The following CSMD1 variants were observed in gnomAD, a reference collection of about 807,000 sequenced individuals.
The protein encoded by CSMD1 is CUB and sushi domain-containing protein 1.
Under a neutral mutation model 417.5 loss-of-function variants are expected in CSMD1, and 213 were observed. The ratio of observed to expected loss-of-function variants is 0.51; its 90% CI spans 0.46 to 0.57. The LOEUF is 0.57. Ranked by LOEUF, CSMD1 falls within the 20% of genes least tolerant of loss-of-function variation. CSMD1 has a pLI of 0.00. For missense variants in CSMD1, 6,923 were observed against 4,529.7 expected (o/e 1.53, Z -15.17); for synonymous variants, 2,862 against 1,736.8 (o/e 1.65, Z -16.11).
intron 4 of CSMD1, among the ~76,000 whole-genome samples, chr8:4,027,100 C>T (rs979244280): frequency 2.0e-5 from 3 of 152,176 alleles, no homozygotes; most frequent in African/African-American, 4.8e-5. Flanking sequence ...CAGAAAAACA[C>T]AGCTTTGTGG....
intron 12 of CSMD1, among the ~76,000 whole-genome samples, chr8:3,453,254 CA>C (rs535401338): frequency 0.013 from 1,911 of 151,988 alleles, 20 homozygotes; most frequent in Non-Finnish European, 0.02. Flanking sequence ...TTGATCTTTT[CA>C]AAAAACCAGC....
chr8:4,377,780 C>T (rs1454413623), intron 3 of CSMD1, among the ~76,000 whole-genome samples: 1 of 152,152 alleles, frequency 6.6e-6, no homozygotes, highest in Non-Finnish European at 1.5e-5. Flanking sequence ...ATTTTTGGCA[C>T]CTTTAAATAT....
intron 12 of CSMD1, among the ~76,000 whole-genome samples, chr8:3,441,935 T>A (rs1382090537): frequency 1.3e-5 from 2 of 152,188 alleles, no homozygotes; most frequent in African/African-American, 4.8e-5. Flanking sequence ...GAGAGCTTCA[T>A]TCATGTGTGG....
chr8:4,884,353 T>A (rs1803591939), intron 1 of CSMD1, among the ~76,000 whole-genome samples: 1 of 152,004 alleles, frequency 6.6e-6, no homozygotes, highest in African/African-American at 2.4e-5. Flanking sequence ...ATGATTTCCT[T>A]TGAGGTACAA....
intron 2 of CSMD1, among the ~76,000 whole-genome samples, chr8:4,576,974 G>A (rs1585275015): frequency 6.6e-6 from 1 of 152,078 alleles, no homozygotes; most frequent in Non-Finnish European, 1.5e-5. Flanking sequence ...TTTCTAATTC[G>A]ATGAACACAG....
intron 3 of CSMD1, among the ~76,000 whole-genome samples, chr8:4,189,451 T>C (rs757992038): frequency 8.5e-4 from 129 of 152,340 alleles, no homozygotes; most frequent in Admixed American, 9.1e-4. Flanking sequence ...CAGCAAAGTA[T>C]GTTTGCAGAA....
chr8:4,483,318 A>G (rs1372617106), intron 2 of CSMD1, among the ~76,000 whole-genome samples: 1 of 152,206 alleles, frequency 6.6e-6, no homozygotes, highest in Non-Finnish European at 1.5e-5. Flanking sequence ...AGTCTCGGAT[A>G]TGTGTTTATC....
intron 23 of CSMD1, among the ~76,000 whole-genome samples, chr8:3,310,126 G>A (rs907146446): frequency 3.9e-5 from 6 of 152,134 alleles, no homozygotes; most frequent in East Asian, 1.9e-4. Context: ...TTAGGGGGAT[G>A]GTTTCAATCA....
At chr8:3,419,900 G>T (rs760550039) in intron 12 of CSMD1, among the ~76,000 whole-genome samples, 7 of 152,148 alleles carry the variant, frequency 4.6e-5, no homozygotes, top group Non-Finnish European at 1.0e-4. Flanking sequence ...TCCTGTTTTA[G>T]ATGGAATCTC....
chr8:3,427,847 G>A (rs2406299), intron 12 of CSMD1, among the ~76,000 whole-genome samples: 3 of 152,212 alleles, frequency 2.0e-5, no homozygotes, highest in African/African-American at 4.8e-5. Flanking sequence ...GGAGGCGTAT[G>A]CCTGTCAAAT....
chr8:4,896,725 T>C (rs1420605798), intron 1 of CSMD1, among the ~76,000 whole-genome samples: 1 of 151,932 alleles, frequency 6.6e-6, no homozygotes, highest in South Asian at 2.1e-4. Flanking sequence ...GTGATGATGG[T>C]GAGGAGTCCT....
At chr8:3,238,378 G>T (rs59688229) in intron 26 of CSMD1, among the ~76,000 whole-genome samples, 10,140 of 152,070 alleles carry the variant, frequency 0.067, 412 homozygotes, top group East Asian at 0.19. Flanking sequence ...GGGATATGAT[G>T]GCTTAGTTTG....
intron 27 of CSMD1, among the ~76,000 whole-genome samples, chr8:3,225,967 T>G (rs111319262): frequency 2.3e-3 from 347 of 152,302 alleles, no homozygotes; most frequent in African/African-American, 7.9e-3. Flanking sequence ...CCACCAACCC[T>G]TTTACAAAAC....
At chr8:3,916,098 A>C (rs1808808364) in intron 5 of CSMD1, among the ~76,000 whole-genome samples, 1 of 151,940 alleles carries the variant, frequency 6.6e-6, no homozygotes, top group Admixed American at 6.6e-5. Context: ...TGACTCAATG[A>C]TTCTGTCAAA....
chr8:4,474,797 G>C (rs192913051), intron 2 of CSMD1, among the ~76,000 whole-genome samples: 18 of 152,252 alleles, frequency 1.2e-4, no homozygotes, highest in Middle Eastern at 3.4e-3. Context: ...TGAAGACCAT[G>C]AGGAGGAAGA....
At chr8:3,759,634 C>T (rs118052672) in intron 5 of CSMD1, among the ~76,000 whole-genome samples, 1 of 151,660 alleles carries the variant, frequency 6.6e-6, no homozygotes. Context: ...TGGCTCACAC[C>T]TGTAATTTCA....
chr8:4,200,943 C>A (rs1226412778), intron 3 of CSMD1, among the ~76,000 whole-genome samples: 2 of 152,126 alleles, frequency 1.3e-5, no homozygotes, highest in Non-Finnish European at 2.9e-5. Flanking sequence ...TTTCTAATCT[C>A]CATAACTAAA....
intron 5 of CSMD1, among the ~76,000 whole-genome samples, chr8:3,919,140 C>A (rs1302500220): frequency 7.1e-6 from 1 of 141,812 alleles, no homozygotes; most frequent in Admixed American, 7.7e-5. Flanking sequence ...TTGACGTAGT[C>A]CCACTTCTTT....
intron 5 of CSMD1, among the ~76,000 whole-genome samples, chr8:3,866,238 T>A (rs1228613328): frequency 1.3e-5 from 2 of 152,220 alleles, no homozygotes; most frequent in African/African-American, 4.8e-5. Context: ...TGCCACAGAT[T>A]TTGAATACCA....
Sources: gnomAD v4.1 joint callset for allele counts (sites outside exome capture counted in the v4.1 genomes callset) on GRCh38, gnomAD v4.1.1 for gene constraint, MANE v1.5 for transcripts, NCBI Gene and HGNC (gene_info 2026-07-23, HGNC 2026-07-21) for gene names.